The following CDKL5 variants were observed in gnomAD, a reference collection of about 807,000 sequenced individuals.
The protein encoded by CDKL5 is cyclin-dependent kinase-like 5.
A neutral mutation model predicts 61.7 loss-of-function variants in CDKL5; 8 were observed. The observed-to-expected ratio is 0.13, with a 90% confidence interval of 0.08 to 0.23. The LOEUF is 0.23. Among genes scored for constraint, CDKL5 ranks in the 10% least tolerant of loss-of-function variants. The pLI is 1.00. For missense variants in CDKL5, 440 were observed against 734.5 expected (o/e 0.60, Z 4.63); for synonymous variants, 275 against 272.3 (o/e 1.01, Z -0.10).
intron 1 of CDKL5, among the ~76,000 whole-genome samples, chrX:18,432,590 T>A (rs1032087699): frequency 9.3e-6 from 1 of 107,868 alleles, no homozygotes. Flanking sequence ...ATCATGTAGA[T>A]CTTAAAAGAT....
intron 3 of CDKL5, among the ~76,000 whole-genome samples, chrX:18,552,102 G>A (rs1924416394): frequency 9.1e-6 from 1 of 109,662 alleles, no homozygotes; most frequent in African/African-American, 3.3e-5. Context: ...GCCGGGCATG[G>A]TGGCGTGTGC....
At chrX:18,627,367 G>C (rs1285561891) in intron 17 of CDKL5, 1 of 111,945 alleles carries the variant, frequency 8.9e-6, no homozygotes, top group Non-Finnish European at 1.9e-5. Flanking sequence ...TTACAGCAAA[G>C]GTACTCTGAG....
intron 21 of CDKL5, among the ~76,000 whole-genome samples, chrX:18,650,943 TC>T (rs1928002398): frequency 8.9e-6 from 1 of 112,225 alleles, no homozygotes; most frequent in South Asian, 3.7e-4. Context: ...ATTGTAGAGT[TC>T]GTAGAGCACA....
chrX:18,526,723 C>T (rs1014378831), intron 3 of CDKL5, among the ~76,000 whole-genome samples: 1 of 110,802 alleles, frequency 9.0e-6, no homozygotes, highest in African/African-American at 3.3e-5. Context: ...GATTTTTCTA[C>T]TTAGCATGGT....
chrX:18,637,679 T>G lies in CDKL5; in HGVS notation c.*8922T>G, dbSNP rs1338250810. 8.9e-6 allele frequency: 1 copy of G among 111,887 alleles called. No individual in the cohort carries two copies. The highest frequency in any genetic ancestry group is 3.3e-5 in the African/African-American group (1 of 30,761). 9.2% of individuals were successfully genotyped at this position (111,887 alleles called of 1,213,427 possible). A position where few individuals can be genotyped will look rare whatever the true frequency, so the allele number is the denominator to read the frequency against. ...GCAAGGCACTTCACTATGCCTCAGT[T>G]TCCTTATCTTTAAATGGAGGTAATC... On this transcript the variant is annotated 3_prime_UTR_variant, in exon 18 of 18. Transcript: ENST00000623535.
intron 14 of CDKL5, 122 bp downstream of exon 14, chrX:18,609,692 C>T: frequency 1.8e-6 from 2 of 1,098,353 alleles, no homozygotes; most frequent in East Asian, 3.3e-5. Context: ...TCCAGCGGTT[C>T]TCCCTGCCTC....
intron 10 of CDKL5, 51 bp from the exon 11 acceptor site, chrX:18,598,411 T>G (rs1352405705): frequency 9.3e-7 from 1 of 1,075,340 alleles, no homozygotes. Context: ...TTATTAGAAC[T>G]TAAATTTGAC....
intron 2 of CDKL5, among the ~76,000 whole-genome samples, chrX:18,509,966 A>G (rs1037523167): frequency 1.9e-5 from 2 of 106,804 alleles, no homozygotes; most frequent in Non-Finnish European, 3.9e-5. Flanking sequence ...AGCCTGGGCA[A>G]CATAGTGAGA....
At chrX:18,643,829 A>AATATATATATATATATATATATAT (rs755520723), downstream of CDKL5, among the ~76,000 whole-genome samples, 33 of 105,884 alleles carry the variant, frequency 3.1e-4, no homozygotes, top group Middle Eastern at 4.9e-3. Flanking sequence ...ATTCATAGCA[A>AATATATATATATATATATATATAT]ATATATATAT....
In CDKL5 at chrX:18,605,224, G is replaced by A. The variant is rs377451329; in HGVS notation, c.1944+356G>A. 7.2e-5 allele frequency among the ~76,000 whole-genome samples: 8 copies of A among 110,656 alleles called. No individual in the cohort carries two copies. The East Asian group carries it at 2.0e-3, about 27-fold the overall frequency. ...TTTAGTTTTTCTTAAAATACAGTGTGAATTCATGGGTATTTTCTCTGATCT... is the reference window on the plus strand; with the variant it reads ...TTTAGTTTTTCTTAAAATACAGTGTAAATTCATGGGTATTTTCTCTGATCT... On this transcript the variant is annotated intron_variant, in intron 12 of 17. Transcript: ENST00000623535.
intron 1 of CDKL5, among the ~76,000 whole-genome samples, chrX:18,454,630 C>T (rs1932100024): frequency 1.8e-5 from 2 of 110,331 alleles, no homozygotes. Context: ...GATCTTGGCT[C>T]ACTGCAATCT....
intron 15 of CDKL5, among the ~76,000 whole-genome samples, chrX:18,616,565 C>T (rs752759996): frequency 9.3e-6 from 1 of 107,145 alleles, no homozygotes; most frequent in Non-Finnish European, 1.9e-5. Context: ...GTGGAGGTTG[C>T]GGTGAGCCGA....
At chrX:18,593,573 A>G (rs1407889348) in intron 9 of CDKL5, among the ~76,000 whole-genome samples, 1 of 111,628 alleles carries the variant, frequency 9.0e-6, no homozygotes, top group Non-Finnish European at 1.9e-5. Context: ...TAGGAGAGGC[A>G]CCTAGGTTTA....
intron 3 of CDKL5, among the ~76,000 whole-genome samples, chrX:18,525,815 C>A (rs755622200): frequency 1.9e-5 from 2 of 103,525 alleles, no homozygotes; most frequent in African/African-American, 7.1e-5. Flanking sequence ...GGTGCGATCT[C>A]GGCCCACTGC....
intron 3 of CDKL5, among the ~76,000 whole-genome samples, chrX:18,518,798 CT>C (rs373457561): frequency 0.018 from 1,845 of 102,014 alleles, 47 homozygotes; most frequent in African/African-American, 0.058. Flanking sequence ...AAACCTTTCC[CT>C]TTTTTTTTTT....
At chrX:18,450,871 G>A (rs935734441) in intron 1 of CDKL5, among the ~76,000 whole-genome samples, 1 of 108,817 alleles carries the variant, frequency 9.2e-6, no homozygotes, top group Non-Finnish European at 1.9e-5. Context: ...CACTGTGCCC[G>A]GCCTTTTTTT....
At chrX:18,464,276 C>T (rs1932353994) in intron 1 of CDKL5, among the ~76,000 whole-genome samples, 2 of 109,412 alleles carry the variant, frequency 1.8e-5, no homozygotes, top group South Asian at 7.8e-4. Flanking sequence ...GAGATGAGGT[C>T]TCACTAAGTT....
intron 3 of CDKL5, among the ~76,000 whole-genome samples, chrX:18,548,485 AAAG>A (rs1245713860): frequency 8.9e-6 from 1 of 112,339 alleles, no homozygotes; most frequent in Non-Finnish European, 1.9e-5. Flanking sequence ...GATTTTAGGA[AAAG>A]AAAATAAAAA....
At chrX:18,512,474 G>A (rs1156746429) in intron 3 of CDKL5, among the ~76,000 whole-genome samples, 3 of 110,743 alleles carry the variant, frequency 2.7e-5, no homozygotes, top group South Asian at 3.7e-4. Context: ...TTAAGCCTTC[G>A]TGACACTTAA....
Sources: allele counts gnomAD v4.1 joint callset (sites outside exome capture counted in the v4.1 genomes callset), GRCh38; gene constraint gnomAD v4.1.1; transcripts MANE v1.5; gene names NCBI Gene and HGNC (gene_info 2026-07-23, HGNC 2026-07-21).